Variants in UNC13C observed in about 807,000 individuals in gnomAD.
UNC13C encodes the protein unc-13 homolog C.
In UNC13C, 174 loss-of-function variants were observed where a neutral mutation model predicts 245.4. The ratio of observed to expected loss-of-function variants is 0.71; its 90% CI spans 0.63 to 0.80. UNC13C has a LOEUF of 0.80. Ranked by LOEUF, UNC13C falls within the 30% of genes least tolerant of loss-of-function variation. The pLI is 0.00. For synonymous variants in UNC13C, 992 were observed against 895.1 expected, an observed-to-expected ratio of 1.11 and a Z score of -1.93; for missense variants, 2,829 against 2,602.9, an observed-to-expected ratio of 1.09 and a Z score of -1.89.
At chr15:54,314,934 C>A (rs961868389) in intron 13 of UNC13C, among the ~76,000 whole-genome samples, 8 of 149,902 alleles carry the variant, frequency 5.3e-5, no homozygotes, top group African/African-American at 2.0e-4. Flanking sequence ...GGATTATCTC[C>A]AGGTACAAAG....
intron 17 of UNC13C, among the ~76,000 whole-genome samples, chr15:54,374,227 G>A (rs1172831061): frequency 6.6e-6 from 1 of 152,156 alleles, no homozygotes; most frequent in Non-Finnish European, 1.5e-5. Flanking sequence ...ATTCCAGTCT[G>A]TGGAACTGGC....
chr15:54,195,515 G>A lies in UNC13C; in HGVS notation c.3072-39515G>A, dbSNP rs141791558. ...TGGATAGCGAGGTGGTAGAGTAGCA[G>A]GACAGAAGCAGCGCCTTTTGCACCA... On this transcript the variant is annotated intron_variant, in intron 4 of 32. Transcript: ENST00000260323. Among the ~76,000 whole-genome samples the A allele has an allele frequency of 1.4e-3, 216 of 152,198 alleles. 2 individuals are homozygous for A. Among genetic ancestry groups the A allele is most frequent in the African/African-American group, 5.1e-3 (212 of 41,540 alleles).
At chr15:54,389,772 A>G (rs1295347491) in intron 17 of UNC13C, among the ~76,000 whole-genome samples, 2 of 150,472 alleles carry the variant, frequency 1.3e-5, no homozygotes, top group Admixed American at 1.3e-4. Context: ...TCTGTTGTCC[A>G]GGCTGGAGTG....
intron 24 of UNC13C, among the ~76,000 whole-genome samples, chr15:54,516,922 G>T (rs1895007596): frequency 1.3e-5 from 2 of 152,054 alleles, no homozygotes; most frequent in South Asian, 4.1e-4. Flanking sequence ...TGAGATTCAA[G>T]GTGTTTGTAT....
Position 54,404,384 on chromosome 15 carries a change from TATTAA to T in UNC13C, c.4848-10594_4848-10590del, listed in dbSNP as rs1291280858. On this transcript the variant is annotated intron_variant, in intron 18 of 32. Coordinates refer to ENST00000260323, the MANE Select transcript of UNC13C (RefSeq NM_001080534.3). ...AAATTTGCAAGATAATAAATTGGATTATTAAATTGTTGTGTCTCATAAGATTCAAG... is the reference window on the plus strand; with the variant it reads ...AAATTTGCAAGATAATAAATTGGATTATTGTTGTGTCTCATAAGATTCAAG... 2.6e-5 allele frequency among the ~76,000 whole-genome samples: 4 copies of T among 152,186 alleles called. No individual in the cohort carries two copies. In the East Asian group the frequency reaches 5.8e-4, roughly 22 times the overall value.
At chr15:54,404,111 AG>A (rs1340625981) in intron 18 of UNC13C, among the ~76,000 whole-genome samples, 2 of 152,236 alleles carry the variant, frequency 1.3e-5, no homozygotes, top group Non-Finnish European at 1.5e-5. Flanking sequence ...TAATGTAAAA[AG>A]GGCACAACAA....
At chr15:54,471,642 C>T (rs892249108) in intron 19 of UNC13C, among the ~76,000 whole-genome samples, 1 of 151,236 alleles carries the variant, frequency 6.6e-6, no homozygotes, top group Non-Finnish European at 1.5e-5. Flanking sequence ...TATAGTCTAA[C>T]TTCTTAAGAC....
chr15:53,904,980 T>C, the UNC13C span, among the ~76,000 whole-genome samples: 2 of 151,994 alleles, frequency 1.3e-5, no homozygotes, highest in Admixed American at 6.6e-5. Context: ...CTAAGGAAAA[T>C]AGACATTCCA....
chr15:54,528,844 C>T (rs1190369739), intron 25 of UNC13C, among the ~76,000 whole-genome samples: 3 of 152,186 alleles, frequency 2.0e-5, no homozygotes, highest in Admixed American at 2.0e-4. Context: ...CCTTCCTCTT[C>T]TATTGCCCCA....
intron 19 of UNC13C, among the ~76,000 whole-genome samples, chr15:54,430,656 T>C (rs1370380376): frequency 6.6e-6 from 1 of 151,696 alleles, no homozygotes. Flanking sequence ...GGAGTTATCT[T>C]AAGTCTTGTT....
intron 11 of UNC13C, among the ~76,000 whole-genome samples, 168 bp downstream of exon 11, chr15:54,294,232 A>G (rs569812145): frequency 3.3e-5 from 5 of 152,174 alleles, no homozygotes; most frequent in East Asian, 1.9e-4. Flanking sequence ...TCTTTTTTCA[A>G]TACTGTTGAA....
chr15:54,567,592 G>T (rs1897569712), intron 29 of UNC13C, among the ~76,000 whole-genome samples: 1 of 152,152 alleles, frequency 6.6e-6, no homozygotes, highest in South Asian at 2.1e-4. Flanking sequence ...GGGATATGAG[G>T]TCTGTGATGT....
chr15:54,246,273 T>C (rs1053233517), intron 7 of UNC13C, among the ~76,000 whole-genome samples: 1 of 152,168 alleles, frequency 6.6e-6, no homozygotes, highest in Non-Finnish European at 1.5e-5. Context: ...CCCAGTGTAG[T>C]CTATATGTTG....
chr15:54,114,309 C>G (rs1414297433), intron 2 of UNC13C, among the ~76,000 whole-genome samples: 1 of 152,166 alleles, frequency 6.6e-6, no homozygotes, highest in Admixed American at 6.5e-5. Flanking sequence ...ATTTGGCTCT[C>G]TTGTCCTATA....
the UNC13C span, among the ~76,000 whole-genome samples, chr15:53,958,989 C>A: frequency 6.6e-6 from 1 of 152,146 alleles, no homozygotes; most frequent in Non-Finnish European, 1.5e-5. Flanking sequence ...ACCATTCTTC[C>A]TTCTACCTCC....
intron 2 of UNC13C, among the ~76,000 whole-genome samples, chr15:54,051,228 T>C (rs539281335): frequency 1.4e-4 from 21 of 152,324 alleles, no homozygotes; most frequent in African/African-American, 4.6e-4. Context: ...TTTTTTCTAA[T>C]ATTTTTATAA....
chr15:54,102,553 C>T (rs1034473489), intron 2 of UNC13C, among the ~76,000 whole-genome samples: 15 of 152,186 alleles, frequency 9.9e-5, no homozygotes, highest in African/African-American at 3.6e-4. Context: ...TAGAGGTGTT[C>T]TATCCGTGTT....
At chr15:54,531,731 T>C (rs1895746817) in intron 25 of UNC13C, among the ~76,000 whole-genome samples, 1 of 152,068 alleles carries the variant, frequency 6.6e-6, no homozygotes, top group Non-Finnish European at 1.5e-5. Flanking sequence ...GAGTGGTTTC[T>C]AGCATATTCA....
intron 24 of UNC13C, among the ~76,000 whole-genome samples, chr15:54,521,553 G>A (rs1235483533): frequency 6.6e-6 from 1 of 152,166 alleles, no homozygotes; most frequent in Non-Finnish European, 1.5e-5. Flanking sequence ...GCTGCTGTAA[G>A]AGAATATATA....
Sources: gnomAD v4.1 joint callset for allele counts (sites outside exome capture counted in the v4.1 genomes callset) on GRCh38, gnomAD v4.1.1 for gene constraint, MANE v1.5 for transcripts, NCBI Gene and HGNC (gene_info 2026-07-23, HGNC 2026-07-21) for gene names.